MYBBP1A: variants seen among roughly 807,000 people sequenced by gnomAD.
The protein encoded by MYBBP1A is MYB binding protein 1a.
A neutral mutation model predicts 136.3 loss-of-function variants in MYBBP1A; 147 were observed. The observed-to-expected ratio is 1.08, with a 90% CI of 0.94 to 1.24. MYBBP1A has a LOEUF of 1.24. Among genes scored for constraint, MYBBP1A ranks in the 50% most tolerant of loss-of-function variants. The pLI is 0.00. For missense variants in MYBBP1A, 2,060 were observed against 1,727.4 expected, an observed-to-expected ratio of 1.19 and a Z score of -3.41; for synonymous variants, 947 against 735.8, an observed-to-expected ratio of 1.29 and a Z score of -4.65.
chr17:4,540,303 T>G, intron 25 of MYBBP1A, 45 bp downstream of exon 25: 1 of 1,558,020 alleles, frequency 6.4e-7, no homozygotes, highest in Non-Finnish European at 8.7e-7. Flanking sequence ...CGTGAGGGTG[T>G]TCCCAGCCCC....
Position 4,545,883 on chromosome 17 carries a change from C to T in MYBBP1A, c.1884G>A (p.Leu628=). 6.2e-7 allele frequency: 1 copy of T among 1,613,410 alleles called. No homozygotes were observed. Among genetic ancestry groups the T allele is most frequent in the South Asian group, 1.1e-5 (1 of 91,072 alleles). ...GDIQTCIRKS[L]GEKPRRSRTK... ...TGCGGCTCCGGCGGGGCTTCTCTCC[C>T]AGACTTTTCCTGATGCAGGTCTGGA... Residue 628 remains leucine, a synonymous_variant, in exon 14 of 26, where the codon CTG becomes CTA. Coordinates refer to ENST00000254718, the MANE Select transcript of MYBBP1A (RefSeq NM_014520.4).
At chr17:4,550,552 G>T (rs773332738) in intron 8 of MYBBP1A, among the ~76,000 whole-genome samples, 199 bp from the exon 9 acceptor site, 2 of 152,274 alleles carry the variant, frequency 1.3e-5, no homozygotes, top group African/African-American at 4.8e-5. Context: ...GCTAGGCTGT[G>T]CCTGAACTTG....
chr17:4,547,443 A>G (rs544137271), intron 13 of MYBBP1A, among the ~76,000 whole-genome samples: 17 of 152,344 alleles, frequency 1.1e-4, no homozygotes, highest in African/African-American at 3.8e-4. Context: ...AAGTAAGGCA[A>G]CCACAGTCAA....
intron 13 of MYBBP1A, among the ~76,000 whole-genome samples, chr17:4,546,496 T>C (rs1370052110): frequency 6.6e-6 from 1 of 151,610 alleles, no homozygotes; most frequent in African/African-American, 2.4e-5. Context: ...GGAGTCCAAC[T>C]CCCCCTTGGA....
intron 13 of MYBBP1A, among the ~76,000 whole-genome samples, chr17:4,546,703 G>A (rs1907045694): frequency 6.6e-6 from 1 of 152,226 alleles, no homozygotes; most frequent in African/African-American, 2.4e-5. Context: ...ACTCGAGTGA[G>A]GTGGCGTGGT....
At chr17:4,547,304 A>C (rs1342210278) in intron 13 of MYBBP1A, among the ~76,000 whole-genome samples, 1 of 152,122 alleles carries the variant, frequency 6.6e-6, no homozygotes, top group African/African-American at 2.4e-5. Context: ...CAGGCTCCAC[A>C]TGTGTCCTGG....
intron 10 of MYBBP1A, 114 bp downstream of exon 10, chr17:4,549,218 G>A (rs1907284229): frequency 3.5e-6 from 3 of 859,318 alleles, no homozygotes; most frequent in Non-Finnish European, 5.4e-6. Flanking sequence ...GCCCCCCACT[G>A]ATGACTCAAC....
rs1906076848 is a variant in MYBBP1A, at chr17:4,539,074, CAA to C, written c.*339_*340del. 5.8e-6 allele frequency: 8 copies of C among 1,375,096 alleles called. No homozygotes were observed. The highest frequency in any genetic ancestry group is 8.2e-6 in the Non-Finnish European group (8 of 972,952). 85.2% of individuals were successfully genotyped at this position (1,375,096 alleles called of 1,614,324 possible). ...CCCTCACAGCAAAAAAGCCTGGGGGCAAAGAGGTGGCAGGCACGAGAGATGGT... is the reference window on the plus strand; with the variant it reads ...CCCTCACAGCAAAAAAGCCTGGGGGCAGAGGTGGCAGGCACGAGAGATGGT... On this transcript the variant is annotated 3_prime_UTR_variant, in exon 26 of 26. Coordinates refer to ENST00000254718, the MANE Select transcript of MYBBP1A (RefSeq NM_014520.4).
chr17:4,548,204 G>T lies in MYBBP1A; in HGVS notation c.1663C>A (p.His555Asn). The change falls in exon 12 of 26, where the codon CAC becomes AAC. Residue 555 changes from histidine (H) to asparagine (N), a missense_variant. Physicochemically the swap from His to Asn is moderately conservative, Grantham distance 68. Transcript: ENST00000254718. The surrounding 1 kb of genome is among the most constrained non-coding windows in gnomAD (Gnocchi z 4.2). ...LVQFADLLLN[H>N]SHNVTTVTPF... ...GTCACGGTGGTCACGTTGTGGCTGTGATTCAACAGGAGGTCTGCGAACTGC... is the reference window on the plus strand; with the variant it reads ...GTCACGGTGGTCACGTTGTGGCTGTTATTCAACAGGAGGTCTGCGAACTGC... 2.5e-6 allele frequency: 4 copies of T among 1,608,426 alleles called. No individual in the cohort carries two copies. The highest frequency in any genetic ancestry group is 3.4e-6 in the Non-Finnish European group (4 of 1,179,926).
In MYBBP1A at chr17:4,550,268, T is replaced by G. The variant is rs779127696; in HGVS notation, c.1109A>C (p.Gln370Pro). Residue 370 changes from glutamine to proline, a missense_variant, in exon 9 of 26, where the codon CAG becomes CCG. Coordinates refer to ENST00000254718, the MANE Select transcript of MYBBP1A (RefSeq NM_014520.4). ...LEGCQDDPER[Q>P]LAVLVAFSSV... is the part of the protein sequence containing the mutation. ...TGAGAAGGCCACTAGCACGGCCAGC[T>G]GCCGCTCAGGGTCATCCTGGCACCC... is the stretch of plus-strand genomic sequence containing the variant. 36 of 1,613,492 alleles carry G rather than the reference T, an allele frequency of 2.2e-5. No individual in the cohort carries two copies. Among genetic ancestry groups the G allele is most frequent in the Non-Finnish European group, 3.0e-5 (35 of 1,180,046 alleles).
At chr17:4,542,555 G>A (rs1342643747) in intron 21 of MYBBP1A, 23 bp from the exon 22 acceptor site, 1 of 1,612,748 alleles carries the variant, frequency 6.2e-7, no homozygotes. Flanking sequence ...GACAAGGGCT[G>A]TGAGGTGCAG....
Position 4,539,609 on chromosome 17 carries a change from G to A in MYBBP1A, c.3793C>T (p.Pro1265Ser), listed in dbSNP as rs1255681621. 1.2e-6 allele frequency: 2 copies of A among 1,614,088 alleles called. No individual in the cohort carries two copies. Among genetic ancestry groups the A allele is most frequent in the Admixed American group, 1.7e-5 (1 of 59,996 alleles). The change falls in exon 26 of 26, where the codon CCC becomes TCC. Residue 1265 changes from proline (P) to serine (S), a missense_variant. Physicochemically the swap from Pro to Ser is moderately conservative, Grantham distance 74. Coordinates refer to ENST00000254718, the MANE Select transcript of MYBBP1A (RefSeq NM_014520.4). ...CCTGCAGGTTCCGTGGGGGACCCGG[G>A]AGCTCCATTCACCTGGGACGGCTTC... ...NQKPSQVNGA[P>S]GSPTEPAGQK...
At chr17:4,550,711 G>C (rs1042611199) in intron 8 of MYBBP1A, among the ~76,000 whole-genome samples, 4 of 152,284 alleles carry the variant, frequency 2.6e-5, no homozygotes, top group African/African-American at 9.6e-5. Context: ...ACGCAGGGCA[G>C]AGTGGTAGTT....
rs754665182 is a variant in MYBBP1A at position 4,540,303 on chromosome 17, T to A, written c.3434+45A>T. The A allele has an allele frequency of 5.1e-6, 8 of 1,558,020 alleles. No individual in the cohort carries two copies. In the South Asian group the frequency reaches 9.4e-5, roughly 18 times the overall value. ...GTGTGTGTGCAGCAGCGTGAGGGTG[T>A]TCCCAGCCCCTACCCAAGGTGTGTG... On this transcript the variant is annotated intron_variant, in intron 25 of 25. Coordinates refer to ENST00000254718, the MANE Select transcript of MYBBP1A (RefSeq NM_014520.4).
At chr17:4,549,785 CAAAAAAAAAAAAAAAA>C (rs60360356) in intron 9 of MYBBP1A, among the ~76,000 whole-genome samples, 1 of 65,404 alleles carries the variant, frequency 1.5e-5, no homozygotes, top group African/African-American at 5.5e-5. Flanking sequence ...GAGACTCTGT[CAAAAAAAAAAAAAAAA>C]AAAAAAAAGA....
In MYBBP1A at chr17:4,545,365, A is replaced by AATGACCCATTTGCAGCCC; in HGVS notation, c.2074-21_2074-20insGGGCTGCAAATGGGTCAT. 1 of 1,612,254 alleles carries AATGACCCATTTGCAGCCC rather than the reference A, an allele frequency of 6.2e-7. No homozygotes were observed. On this transcript the variant is annotated intron_variant, in intron 15 of 25. Transcript: ENST00000254718. Reference sequence around the variant, plus strand: ...CAGCACCTGGGGAGGGGTGCCAGCCACTGACCCATTTGCAGCCCCCGCCCT... The same window carrying AATGACCCATTTGCAGCCC: ...CAGCACCTGGGGAGGGGTGCCAGCCAATGACCCATTTGCAGCCCCTGACCCATTTGCAGCCCCCGCCCT...
intron 19 of MYBBP1A, 150 bp from the exon 20 acceptor site, chr17:4,543,315 C>T (rs986368095): frequency 9.2e-5 from 98 of 1,068,346 alleles, no homozygotes; most frequent in Non-Finnish European, 1.1e-4. Context: ...GGCCCAGGGC[C>T]GCCTGCAGGC....
chr17:4,540,560 C>G (rs1404869036), intron 24 of MYBBP1A, 76 bp from the exon 25 acceptor site: 6 of 1,463,152 alleles, frequency 4.1e-6, no homozygotes, highest in Non-Finnish European at 2.7e-6. Flanking sequence ...CTTCCCACCT[C>G]TGCCCTGTTG....
At chr17:4,541,239 G>A (rs931760447) in intron 24 of MYBBP1A, among the ~76,000 whole-genome samples, 13 of 152,248 alleles carry the variant, frequency 8.5e-5, no homozygotes, top group Admixed American at 2.6e-4. Flanking sequence ...ACCCCGCCCT[G>A]CAGGAGGAGG....
Sources: gnomAD v4.1 joint callset for allele counts (sites outside exome capture counted in the v4.1 genomes callset) on GRCh38, gnomAD v4.1.1 for gene constraint, Gnocchi (gnomAD v3.1) non-coding constraint, MANE v1.5 for transcripts, NCBI Gene and HGNC (gene_info 2026-07-23, HGNC 2026-07-21) for gene names.